Variants in EXOC6B observed in about 807,000 individuals in gnomAD.
EXOC6B encodes SEC15 homolog B.
A neutral mutation model predicts 113.5 loss-of-function variants in EXOC6B; 54 were observed. The ratio of observed to expected loss-of-function variants is 0.48; its 90% confidence interval spans 0.38 to 0.60. The LOEUF (loss-of-function observed/expected upper bound fraction) is 0.60. Ranked by LOEUF, EXOC6B falls within the 20% of genes least tolerant of loss-of-function variation. The pLI, the probability that EXOC6B is intolerant of heterozygous loss-of-function variation, is 0.00. For synonymous variants in EXOC6B, 357 were observed against 339.0 expected, an observed-to-expected ratio of 1.05 and a Z score of -0.58; for missense variants, 797 against 977.5, an observed-to-expected ratio of 0.82 and a Z score of 2.46.
chr2:72,685,667 C>T (rs112439649), intron 6 of EXOC6B, among the ~76,000 whole-genome samples: 1 of 152,128 alleles, frequency 6.6e-6, no homozygotes, highest in African/African-American at 2.4e-5. Context: ...CCAGAAGTAC[C>T]TTCTAACAAA....
chr2:72,619,129 C>T (rs1479757088), intron 6 of EXOC6B, among the ~76,000 whole-genome samples: 2 of 152,002 alleles, frequency 1.3e-5, no homozygotes, highest in Non-Finnish European at 2.9e-5. Context: ...CAGCCATTCT[C>T]CTACCACATG....
At position 72,698,696 on chromosome 2, in the gene EXOC6B, G is replaced by A. The variant is rs146846718; in HGVS notation, c.669+19407C>T. Among the ~76,000 whole-genome samples the A allele has an allele frequency of 4.3e-4, 65 of 152,238 alleles. 1 individual carries two copies. Among genetic ancestry groups the A allele is most frequent in the Middle Eastern group, 3.4e-3 (1 of 294 alleles). Reference sequence around the variant, plus strand: ...AACCTTATCCAATTTTACCACTGCCGACAGCAAAATGAAATATAGGTCAAT... The same window carrying A: ...AACCTTATCCAATTTTACCACTGCCAACAGCAAAATGAAATATAGGTCAAT... On this transcript the variant is annotated intron_variant, in intron 6 of 21. Transcript: ENST00000272427.
Position 72,193,046 on chromosome 2 carries a change from C to A in EXOC6B, c.2197-8859G>T, listed in dbSNP as rs528671380. Among the ~76,000 whole-genome samples the A allele has an allele frequency of 7.9e-5, 12 of 152,266 alleles. No individual in the cohort carries two copies. The East Asian group carries it at 1.2e-3, about 15-fold the overall frequency. ...CCCAGAGCAGCTTCATTTGTCCACT[C>A]CCTGCCTTTGACAGGATGAAACTAA... On this transcript the variant is annotated intron_variant, in intron 20 of 21. Coordinates refer to ENST00000272427, the MANE Select transcript of EXOC6B (RefSeq NM_015189.3).
intron 17 of EXOC6B, 22 bp from the exon 18 acceptor site, chr2:72,465,361 G>GA (rs1697982081): frequency 6.5e-7 from 1 of 1,540,138 alleles, no homozygotes. Context: ...TATAAAATTT[G>GA]AAAAATCACT....
At chr2:72,582,855 A>G (rs1022255165) in intron 6 of EXOC6B, among the ~76,000 whole-genome samples, 89 of 152,276 alleles carry the variant, frequency 5.8e-4, no homozygotes, top group African/African-American at 2.0e-3. Context: ...AGGTCCCCCA[A>G]TTGGCCAGGC....
At chr2:72,693,223 C>T (rs1160886815) in intron 6 of EXOC6B, among the ~76,000 whole-genome samples, 1 of 151,206 alleles carries the variant, frequency 6.6e-6, no homozygotes, top group Non-Finnish European at 1.5e-5. Flanking sequence ...CACTTAAAAG[C>T]AAAACAGACT....
chr2:72,401,536 T>C lies in EXOC6B; in HGVS notation c.1981-21666A>G, dbSNP rs1422654100. ...ATATACATATATACATATATATATATATATATATGTGTATATATATATATA... is the reference window on the plus strand; with the variant it reads ...ATATACATATATACATATATATATACATATATATGTGTATATATATATATA... On this transcript the variant is annotated intron_variant, in intron 18 of 21. Transcript: ENST00000272427. Among the ~76,000 whole-genome samples, 14 of 31,656 alleles carry C rather than the reference T, an allele frequency of 4.4e-4. 1 individual carries two copies. The highest frequency in any genetic ancestry group is 1.8e-3 in the African/African-American group (3 of 1,624). 20.8% of individuals were successfully genotyped at this position (31,656 alleles called of 152,430 possible). A position where few individuals can be genotyped will look rare whatever the true frequency, so the allele number is the denominator to read the frequency against.
At chr2:72,268,235 C>T (rs1482620332) in intron 20 of EXOC6B, among the ~76,000 whole-genome samples, 5 of 152,000 alleles carry the variant, frequency 3.3e-5, no homozygotes, top group Admixed American at 6.6e-5. Context: ...CTCAGCCTCC[C>T]GAGTAGCTGG....
At position 72,480,514 on chromosome 2, in the gene EXOC6B, A is replaced by G. The variant is rs538449381; in HGVS notation, c.1800+102T>C. ...CATATCATAAACACTCATTCTCAAG[A>G]GCATGTTATAAACCATCTTACAGAA... On this transcript the variant is annotated intron_variant, in intron 17 of 21. Transcript: ENST00000272427. 63 of 1,056,092 alleles carry G rather than the reference A, an allele frequency of 6.0e-5. No individual in the cohort carries two copies. In the African/African-American group the frequency reaches 9.2e-4, roughly 15 times the overall value. The allele number at this position is 1,056,092 out of a possible 1,614,324, so 65.4% of individuals were successfully genotyped here. A position where few individuals can be genotyped will look rare whatever the true frequency, so the allele number is the denominator to read the frequency against.
chr2:72,442,021 A>G lies in EXOC6B; in HGVS notation c.1980+23139T>C, dbSNP rs551083834. On this transcript the variant is annotated intron_variant, in intron 18 of 21. Coordinates refer to ENST00000272427, the MANE Select transcript of EXOC6B (RefSeq NM_015189.3). Reference sequence around the variant, plus strand: ...ATCCTCAACAAAATACTGCAAATCAAATCGAGCAGCGCATCAAAAAGCTTA... The same window carrying G: ...ATCCTCAACAAAATACTGCAAATCAGATCGAGCAGCGCATCAAAAAGCTTA... Among the ~76,000 whole-genome samples the G allele has an allele frequency of 3.9e-5, 6 of 152,344 alleles. No individual in the cohort carries two copies. In the South Asian group the frequency reaches 1.2e-3, roughly 32 times the overall value.
At chr2:72,629,999 T>C (rs1672289283) in intron 6 of EXOC6B, among the ~76,000 whole-genome samples, 1 of 152,216 alleles carries the variant, frequency 6.6e-6, no homozygotes, top group Non-Finnish European at 1.5e-5. Context: ...TCTATTATAA[T>C]ACTCATTATT....
At position 72,492,325 on chromosome 2, in the gene EXOC6B, A is replaced by G; in HGVS notation, c.1658T>C (p.Leu553Pro). Residue 553 changes from leucine (L) to proline (P), a missense_variant, in exon 16 of 22, where the codon CTT becomes CCT. Leu to Pro is a moderately conservative substitution (Grantham distance 98). Transcript: ENST00000272427. ...CATTAGGAGCAGGTTTACCTCAGTAAGCCCAATATTCTTCCTTTTAATTAC... is the reference window on the plus strand; with the variant it reads ...CATTAGGAGCAGGTTTACCTCAGTAGGCCCAATATTCTTCCTTTTAATTAC... ...QNVIKRKNIG[L>P]TELVQIIINT... The G allele has an allele frequency of 6.2e-7, 1 of 1,608,334 alleles. No individual in the cohort carries two copies. The highest frequency in any genetic ancestry group is 8.5e-7 in the Non-Finnish European group (1 of 1,175,218).
intron 6 of EXOC6B, among the ~76,000 whole-genome samples, chr2:72,617,517 C>CTTTT (rs201912352): frequency 1.6e-3 from 156 of 96,948 alleles, no homozygotes; most frequent in East Asian, 2.0e-3. Flanking sequence ...AATCTTTTTT[C>CTTTT]TTTTTTTTTT....
intron 6 of EXOC6B, among the ~76,000 whole-genome samples, chr2:72,699,152 T>C (rs1678109995): frequency 1.3e-5 from 2 of 152,156 alleles, no homozygotes; most frequent in South Asian, 4.1e-4. Context: ...TCTCCAAAGT[T>C]AATAGAAGAA....
chr2:72,797,879 C>T (rs541614417), intron 1 of EXOC6B, among the ~76,000 whole-genome samples: 1 of 152,046 alleles, frequency 6.6e-6, no homozygotes, highest in African/African-American at 2.4e-5. Context: ...TGTTTCATCC[C>T]TACCCCCCAA....
chr2:72,604,426 G>C (rs938622654), intron 6 of EXOC6B, among the ~76,000 whole-genome samples: 21 of 152,172 alleles, frequency 1.4e-4, no homozygotes, highest in African/African-American at 5.1e-4. Flanking sequence ...AATAACGTTT[G>C]TGAGTGTTCT....
rs139540660 is a variant in EXOC6B at position 72,608,338 on chromosome 2, A to G, written c.670-32670T>C. On this transcript the variant is annotated intron_variant, in intron 6 of 21. Coordinates refer to ENST00000272427, the MANE Select transcript of EXOC6B (RefSeq NM_015189.3). ...AATAAAAGTTCAGCAAGATTTCCAG[A>G]TACTAAAAACAGTTAATTTCTAGAA... 2.1e-3 allele frequency among the ~76,000 whole-genome samples: 317 copies of G among 152,290 alleles called. 2 individuals carry two copies. Among genetic ancestry groups the G allele is most frequent in the African/African-American group, 6.4e-3 (267 of 41,576 alleles).
chr2:72,350,286 T>C (rs1689580422), intron 19 of EXOC6B, among the ~76,000 whole-genome samples: 1 of 152,232 alleles, frequency 6.6e-6, no homozygotes, highest in African/African-American at 2.4e-5. Flanking sequence ...ACATTTTCTA[T>C]ATTTTCTAGT....
At chr2:72,822,681 G>GATAC (rs66468156) in intron 1 of EXOC6B, among the ~76,000 whole-genome samples, 1 of 1,264 alleles carries the variant, frequency 7.9e-4, no homozygotes, top group Non-Finnish European at 1.4e-3. Flanking sequence ...GTATTTTAGG[G>GATAC]ATATACTAAT....
Sources: gnomAD v4.1 joint callset for allele counts (sites outside exome capture counted in the v4.1 genomes callset) on GRCh38, gnomAD v4.1.1 for gene constraint, MANE v1.5 for transcripts, NCBI Gene and HGNC (gene_info 2026-07-23, HGNC 2026-07-21) for gene names.